Variants in BRINP2 observed in about 807,000 individuals in gnomAD.
The protein encoded by BRINP2 is BMP/retinoic acid inducible neural specific 2.
A neutral mutation model predicts 69.2 loss-of-function variants in BRINP2; 21 were observed. The ratio of observed to expected loss-of-function variants is 0.30; its 90% CI spans 0.22 to 0.44. The LOEUF (loss-of-function observed/expected upper bound fraction) is 0.44, where lower values mean the gene tolerates loss of function less well. BRINP2 is among the 20% of genes least tolerant of loss of function. The pLI is 1.00. For missense variants in BRINP2, 877 were observed against 986.0 expected, an observed-to-expected ratio of 0.89 and a Z score of 1.48; for synonymous variants, 380 against 394.1, an observed-to-expected ratio of 0.96 and a Z score of 0.42.
intron 1 of BRINP2, among the ~76,000 whole-genome samples, chr1:177,198,241 A>T (rs753663189): frequency 6.6e-6 from 1 of 152,246 alleles, no homozygotes; most frequent in Non-Finnish European, 1.5e-5. Context: ...ATAGATTTGT[A>T]TGAGTATGGA....
At chr1:177,189,532 A>C (rs1233729844) in intron 1 of BRINP2, among the ~76,000 whole-genome samples, 1 of 152,218 alleles carries the variant, frequency 6.6e-6, no homozygotes. Flanking sequence ...ATTTACCCTT[A>C]GACTTGTTAC....
At chr1:177,255,512 G>A (rs983794538) in intron 2 of BRINP2, among the ~76,000 whole-genome samples, 8 of 152,232 alleles carry the variant, frequency 5.3e-5, no homozygotes, top group Non-Finnish European at 1.2e-4. Context: ...TCACAGGTGA[G>A]TAACTGAGGC....
At chr1:177,214,267 T>G (rs989184261) in intron 1 of BRINP2, among the ~76,000 whole-genome samples, 2 of 152,216 alleles carry the variant, frequency 1.3e-5, no homozygotes, top group Non-Finnish European at 2.9e-5. Context: ...CCCCCATCTC[T>G]GCTAAAAATA....
intron 1 of BRINP2, among the ~76,000 whole-genome samples, chr1:177,183,244 T>G (rs1648321840): frequency 6.7e-6 from 1 of 149,862 alleles, no homozygotes; most frequent in South Asian, 2.1e-4. Context: ...AAAGACTTCA[T>G]GTATTTTGGA....
chr1:177,254,700 A>C (rs939944221), intron 2 of BRINP2, among the ~76,000 whole-genome samples: 4 of 152,180 alleles, frequency 2.6e-5, no homozygotes, highest in Non-Finnish European at 5.9e-5. Flanking sequence ...TCAAAAAAAA[A>C]AAATGAATTA....
At chr1:177,262,361 A>G (rs931056539) in intron 4 of BRINP2, among the ~76,000 whole-genome samples, 1 of 152,078 alleles carries the variant, frequency 6.6e-6, no homozygotes, top group Admixed American at 6.5e-5. Flanking sequence ...AAAATACAAA[A>G]ATTAGCTGGG....
intron 4 of BRINP2, among the ~76,000 whole-genome samples, chr1:177,265,653 G>A (rs542732713): frequency 6.6e-6 from 1 of 151,994 alleles, no homozygotes; most frequent in Non-Finnish European, 1.5e-5. Context: ...ATCCTGGGTG[G>A]CAGTGTGATG....
intron 2 of BRINP2, among the ~76,000 whole-genome samples, chr1:177,238,833 T>C (rs1650112890): frequency 6.6e-6 from 1 of 152,264 alleles, no homozygotes; most frequent in Non-Finnish European, 1.5e-5. Flanking sequence ...TAGTAGCTAA[T>C]ATATATTAAA....
chr1:177,259,191 T>C (rs888290242), intron 4 of BRINP2, among the ~76,000 whole-genome samples: 10 of 152,160 alleles, frequency 6.6e-5, no homozygotes, highest in Non-Finnish European at 1.3e-4. Context: ...CTTGCTGATA[T>C]GAAGGAAGTT....
At chr1:177,224,549 GA>G (rs1014555015) in intron 1 of BRINP2, among the ~76,000 whole-genome samples, 4 of 151,752 alleles carry the variant, frequency 2.6e-5, no homozygotes, top group African/African-American at 9.7e-5. Context: ...AGAGGGAAGT[GA>G]CTTGCCTGAG....
At position 177,190,752 on chromosome 1, in the gene BRINP2, C is replaced by T. The variant is rs116233756; in HGVS notation, c.-77+19020C>T. ...AGTTGGGTATGGTTAAGACAACAGA[C>T]TCCAGGGTCAGATTGCCTGGTTTCA... On this transcript the variant is annotated intron_variant, in intron 1 of 7. Transcript: ENST00000361539. 6.5e-3 allele frequency among the ~76,000 whole-genome samples: 988 copies of T among 152,332 alleles called. 14 individuals are homozygous for T. The highest frequency in any genetic ancestry group is 0.022 in the African/African-American group (907 of 41,576).
At chr1:177,235,666 C>G (rs1230169439) in intron 2 of BRINP2, among the ~76,000 whole-genome samples, 3 of 152,146 alleles carry the variant, frequency 2.0e-5, no homozygotes, top group Non-Finnish European at 4.4e-5. Flanking sequence ...ACAGCGAACC[C>G]TGGGAGAGGC....
At chr1:177,238,938 A>G (rs1373114939) in intron 2 of BRINP2, among the ~76,000 whole-genome samples, 1 of 152,244 alleles carries the variant, frequency 6.6e-6, no homozygotes, top group African/African-American at 2.4e-5. Context: ...TTGTACACTT[A>G]TATAACAGAT....
chr1:177,196,983 T>TGAC (rs1168462988), intron 1 of BRINP2, among the ~76,000 whole-genome samples: 11 of 152,136 alleles, frequency 7.2e-5, no homozygotes, highest in African/African-American at 2.7e-4. Context: ...ATCTCAAACG[T>TGAC]GACTGTGTCT....
intron 2 of BRINP2, among the ~76,000 whole-genome samples, chr1:177,232,898 G>A (rs1248910175): frequency 6.6e-6 from 1 of 152,194 alleles, no homozygotes; most frequent in South Asian, 2.1e-4. Flanking sequence ...ATGGAAATCA[G>A]ATAGTAGCCA....
chr1:177,191,671 G>A (rs1404131497), intron 1 of BRINP2, among the ~76,000 whole-genome samples: 1 of 152,126 alleles, frequency 6.6e-6, no homozygotes, highest in Non-Finnish European at 1.5e-5. Flanking sequence ...GGCCAGGCTG[G>A]TCTCAAACTC....
intron 1 of BRINP2, among the ~76,000 whole-genome samples, chr1:177,199,050 GA>G (rs1030730251): frequency 5.9e-5 from 9 of 152,076 alleles, no homozygotes; most frequent in African/African-American, 1.7e-4. Context: ...TTTAGGTAAG[GA>G]AAAAAAGCCA....
chr1:177,197,733 A>AG (rs1648788296), intron 1 of BRINP2, among the ~76,000 whole-genome samples: 1 of 152,210 alleles, frequency 6.6e-6, no homozygotes, highest in Non-Finnish European at 1.5e-5. Context: ...GAAAGATCAT[A>AG]TGCAAAAGGG....
At chr1:177,251,404 A>G (rs889476789) in intron 2 of BRINP2, among the ~76,000 whole-genome samples, 5 of 152,394 alleles carry the variant, frequency 3.3e-5, no homozygotes, top group East Asian at 1.9e-4. Flanking sequence ...TTAGAATGCA[A>G]TGAAATACAC....
Sources: gnomAD v4.1 joint callset for allele counts (sites outside exome capture counted in the v4.1 genomes callset) on GRCh38, gnomAD v4.1.1 for gene constraint, MANE v1.5 for transcripts, NCBI Gene and HGNC (gene_info 2026-07-23, HGNC 2026-07-21) for gene names.